The following NXPE2 variants were observed in gnomAD, a reference collection of about 807,000 sequenced individuals.
The protein encoded by NXPE2 is neurexophilin and PC-esterase domain family member 2, also known as NXPE family member 2.
A neutral mutation model predicts 34.4 loss-of-function variants in NXPE2; 34 were observed. The ratio of observed to expected loss-of-function variants is 0.99; its 90% CI spans 0.75 to 1.31. The LOEUF (loss-of-function observed/expected upper bound fraction) is 1.31, where lower values mean the gene tolerates loss of function less well. Ranked by LOEUF, NXPE2 falls within the 40% of genes most tolerant of loss-of-function variation. The pLI is 0.00. For missense variants in NXPE2, 649 were observed against 672.5 expected, an observed-to-expected ratio of 0.97 and a Z score of 0.39; for synonymous variants, 235 against 231.3, an observed-to-expected ratio of 1.02 and a Z score of -0.15.
chr11:114,654,199 G>T, the NXPE2 span, among the ~76,000 whole-genome samples: 5 of 152,176 alleles, frequency 3.3e-5, no homozygotes, highest in Admixed American at 3.3e-4. Flanking sequence ...TCCAGAGTGA[G>T]ATGCCTGCCT....
the NXPE2 span, among the ~76,000 whole-genome samples, chr11:114,465,401 C>T: frequency 1.3e-5 from 2 of 151,962 alleles, no homozygotes; most frequent in Non-Finnish European, 2.9e-5. Flanking sequence ...AAGAATAATA[C>T]CATATGATTT....
the NXPE2 span, chr11:114,522,243 C>T: frequency 1.9e-6 from 3 of 1,614,092 alleles, no homozygotes; most frequent in East Asian, 4.5e-5. Context: ...GCCTTTTGAA[C>T]ACCGATGGCC....
chr11:114,631,584 T>G, the NXPE2 span, among the ~76,000 whole-genome samples: 1 of 151,102 alleles, frequency 6.6e-6, no homozygotes, highest in African/African-American at 2.4e-5. Flanking sequence ...GATGACGAGT[T>G]AGTGGGTGCA....
At chr11:114,575,288 A>T in the NXPE2 span, among the ~76,000 whole-genome samples, 5 of 152,246 alleles carry the variant, frequency 3.3e-5, no homozygotes, top group East Asian at 9.6e-4. Flanking sequence ...GAACAAGACA[A>T]GAATGCCCAT....
the NXPE2 span, among the ~76,000 whole-genome samples, chr11:114,786,723 TGA>T: frequency 5.9e-5 from 9 of 152,186 alleles, no homozygotes; most frequent in South Asian, 2.1e-4. Flanking sequence ...TGCCTCATCC[TGA>T]GAGGGCTAAT....
At chr11:114,813,576 G>T in the NXPE2 span, among the ~76,000 whole-genome samples, 152,371 of 152,372 alleles carry the variant, frequency 1, 76,185 homozygotes, top group Non-Finnish European at 1. Flanking sequence ...CATGTCTGGG[G>T]GAGTTCATCT....
the NXPE2 span, among the ~76,000 whole-genome samples, chr11:114,807,507 C>A: frequency 5.9e-5 from 9 of 151,528 alleles, no homozygotes; most frequent in Admixed American, 5.3e-4. Context: ...ATCTACCAAG[C>A]AAATGGAAAA....
chr11:114,697,408 C>T (rs868314538), intron 2 of NXPE2, among the ~76,000 whole-genome samples: 13 of 152,202 alleles, frequency 8.5e-5, no homozygotes, highest in African/African-American at 2.9e-4. Flanking sequence ...TTTCGCAAAG[C>T]GTCTATAAGG....
the NXPE2 span, among the ~76,000 whole-genome samples, chr11:114,781,255 C>T: frequency 1.5e-4 from 23 of 152,294 alleles, no homozygotes; most frequent in East Asian, 4.1e-3. Context: ...TCTGCAGCTT[C>T]CCTGTGGGTA....
chr11:114,696,651 T>C (rs1420675688), intron 2 of NXPE2, among the ~76,000 whole-genome samples: 2 of 152,156 alleles, frequency 1.3e-5, no homozygotes, highest in African/African-American at 4.8e-5. Context: ...AAGAAAAGCA[T>C]ATATCAATAA....
chr11:114,595,502 A>G, the NXPE2 span: 4 of 152,252 alleles, frequency 2.6e-5, no homozygotes, highest in Non-Finnish European at 5.9e-5. Context: ...CCAGATCCCT[A>G]GTTTATACAT....
At chr11:114,756,827 T>C in the NXPE2 span, among the ~76,000 whole-genome samples, 27 of 152,160 alleles carry the variant, frequency 1.8e-4, no homozygotes, top group Non-Finnish European at 3.1e-4. Flanking sequence ...CAGCCAACAA[T>C]GTCAGTTTCA....
chr11:114,697,462 GAACT>G (rs1951279459), intron 2 of NXPE2, among the ~76,000 whole-genome samples: 2 of 152,194 alleles, frequency 1.3e-5, no homozygotes, highest in African/African-American at 4.8e-5. Flanking sequence ...CTGGCCTCCA[GAACT>G]ATGAGTGAAT....
chr11:114,483,692 A>T, the NXPE2 span, among the ~76,000 whole-genome samples: 1 of 152,222 alleles, frequency 6.6e-6, no homozygotes, highest in African/African-American at 2.4e-5. Flanking sequence ...ATAGTCTATT[A>T]CAGTTTAAGC....
At chr11:114,474,776 G>A in the NXPE2 span, among the ~76,000 whole-genome samples, 11 of 152,156 alleles carry the variant, frequency 7.2e-5, no homozygotes, top group South Asian at 4.1e-4. Context: ...GACAGACACC[G>A]TTTCAGGTAC....
At chr11:114,756,261 T>C in the NXPE2 span, among the ~76,000 whole-genome samples, 1 of 152,152 alleles carries the variant, frequency 6.6e-6, no homozygotes, top group Non-Finnish European at 1.5e-5. Context: ...GAGCCAAAAC[T>C]ATTGTATAAG....
the NXPE2 span, among the ~76,000 whole-genome samples, chr11:114,651,042 G>A: frequency 6.6e-6 from 1 of 151,964 alleles, no homozygotes; most frequent in Admixed American, 6.6e-5. Flanking sequence ...GTGGTACATT[G>A]AAGGTAATAA....
At chr11:114,528,898 G>A in the NXPE2 span, 1 of 582,804 alleles carries the variant, frequency 1.7e-6, no homozygotes, top group Non-Finnish European at 3.2e-6. Context: ...ATGGTTGATG[G>A]GTAGGAAGAG....
the NXPE2 span, among the ~76,000 whole-genome samples, chr11:114,601,731 TTA>T: frequency 1.4e-5 from 1 of 72,004 alleles, no homozygotes; most frequent in Non-Finnish European, 2.3e-5. Flanking sequence ...TAATTATATA[TTA>T]TATATAATTA....
Sources: gnomAD v4.1 joint callset for allele counts (sites outside exome capture counted in the v4.1 genomes callset) on GRCh38, gnomAD v4.1.1 for gene constraint, MANE v1.5 for transcripts, NCBI Gene and HGNC (gene_info 2026-07-23, HGNC 2026-07-21) for gene names.